Variants in DMD observed in about 807,000 individuals in gnomAD.
DMD encodes the protein mutant dystrophin.
DMD carries 63 observed loss-of-function variants against 330.1 expected under a neutral mutation model. The ratio of observed to expected loss-of-function variants is 0.19; its 90% confidence interval spans 0.16 to 0.24. The LOEUF is 0.24. Among genes scored for constraint, DMD ranks in the 10% least tolerant of loss-of-function variants. DMD has a pLI of 1.00. For missense variants in DMD, 3,344 were observed against 2,684.1 expected (o/e 1.25, Z -5.43); for synonymous variants, 1,223 against 959.8 (o/e 1.27, Z -5.07).
rs753274998 is a variant in DMD, at chrX:32,727,540, C to T, written c.650-28247G>A. On this transcript the variant is annotated intron_variant, in intron 7 of 78. Coordinates refer to ENST00000357033, the MANE Select transcript of DMD (RefSeq NM_004006.3). ...CTCTGCTTGCATTGATATTATTGGT[C>T]CCTTCAGTGAATAATAAAATACTTG... Among the ~76,000 whole-genome samples, 3 of 109,957 alleles carry T rather than the reference C, an allele frequency of 2.7e-5. No homozygotes were observed. The East Asian group carries it at 8.6e-4, about 32-fold the overall frequency.
chrX:32,640,935 T>C (rs1225069307), intron 11 of DMD, among the ~76,000 whole-genome samples: 1 of 111,350 alleles, frequency 9.0e-6, no homozygotes, highest in African/African-American at 3.3e-5. Flanking sequence ...TTCAACCCCA[T>C]CTCAGACCTC....
chrX:31,431,945 G>A (rs1343573467), intron 60 of DMD, among the ~76,000 whole-genome samples: 2 of 109,498 alleles, frequency 1.8e-5, no homozygotes, highest in African/African-American at 6.7e-5. Context: ...CTCCTGAGTA[G>A]TTGGGATTAC....
intron 30 of DMD, among the ~76,000 whole-genome samples, chrX:32,399,113 A>T (rs1384237198): frequency 8.9e-6 from 1 of 112,248 alleles, no homozygotes; most frequent in Non-Finnish European, 1.9e-5. Context: ...TAAATCTAAG[A>T]CCTCAAATTA....
chrX:31,408,916 C>G (rs1049836400), intron 60 of DMD, among the ~76,000 whole-genome samples: 16 of 111,317 alleles, frequency 1.4e-4, no homozygotes, highest in African/African-American at 4.9e-4. Context: ...CGTATATCTC[C>G]TAATGCTATC....
chrX:31,163,291 TG>T lies in DMD; in HGVS notation c.10553+6151del, dbSNP rs1203958713. 4.5e-5 allele frequency among the ~76,000 whole-genome samples: 5 copies of T among 111,535 alleles called. No homozygotes were observed. In the East Asian group the frequency reaches 1.4e-3, roughly 31 times the overall value. On this transcript the variant is annotated intron_variant, in intron 74 of 78. Transcript: ENST00000357033. The stretch of plus-strand genomic sequence containing the variant: ...TGATAGTAACTCTCATGAGATCTGA[TG>T]GTTTTAAAAAGGGCAGTTCTCCTGC...
chrX:32,422,878 C>T (rs1415249401), intron 29 of DMD, among the ~76,000 whole-genome samples: 1 of 110,538 alleles, frequency 9.0e-6, no homozygotes, highest in African/African-American at 3.3e-5. Context: ...GCAAAGAAAA[C>T]GGTTTTAAAA....
chrX:31,932,204 A>C lies in DMD; in HGVS notation c.6638T>G (p.Leu2213Trp). Residue 2213 changes from leucine to tryptophan, a missense_variant, in exon 46 of 79, where the codon TTG becomes TGG. Physicochemically the swap from Leu to Trp is moderately conservative, Grantham distance 61 (BLOSUM62 -2). Coordinates refer to ENST00000357033, the MANE Select transcript of DMD (RefSeq NM_004006.3). ...KKRLEEQKNI[L>W]SEFQRDLNEF... Reference sequence around the variant, plus strand: ...ATTTAAATCTCTTTGAAATTCTGACAAGATATTCTTTTGTTCTTCTAGCCT... The same window carrying C: ...ATTTAAATCTCTTTGAAATTCTGACCAGATATTCTTTTGTTCTTCTAGCCT... The C allele has an allele frequency of 8.4e-7, 1 of 1,190,187 alleles. No individual in the cohort carries two copies. The highest frequency in any genetic ancestry group is 1.1e-6 in the Non-Finnish European group (1 of 876,220).
chrX:31,472,292 C>A (rs2067357041), intron 59 of DMD, among the ~76,000 whole-genome samples: 2 of 111,998 alleles, frequency 1.8e-5, no homozygotes, highest in South Asian at 3.7e-4. Context: ...GCTCATTCAT[C>A]CCCTAATTCT....
intron 55 of DMD, among the ~76,000 whole-genome samples, chrX:31,574,166 C>A (rs2075977267): frequency 1.2e-5 from 1 of 80,252 alleles, no homozygotes; most frequent in Non-Finnish European, 2.3e-5. Context: ...TTTTTTGAGG[C>A]AGAGTCTGGC....
chrX:31,879,677 C>T (rs886456946), intron 47 of DMD, among the ~76,000 whole-genome samples: 3 of 111,064 alleles, frequency 2.7e-5, no homozygotes, highest in African/African-American at 1.0e-4. Flanking sequence ...AAATCAAGAA[C>T]TTTTAACACA....
At chrX:32,908,752 G>A (rs908174257) in intron 2 of DMD, among the ~76,000 whole-genome samples, 3 of 111,318 alleles carry the variant, frequency 2.7e-5, no homozygotes, top group African/African-American at 9.8e-5. Flanking sequence ...TCTATGAAAG[G>A]GCTCAAATAC....
chrX:32,837,792 G>A (rs1334318977), intron 4 of DMD, among the ~76,000 whole-genome samples: 1 of 112,105 alleles, frequency 8.9e-6, no homozygotes, highest in Admixed American at 9.5e-5. Context: ...TGGATCTACT[G>A]AGCTCTGGCC....
At chrX:31,159,556 A>G (rs1043101840) in intron 74 of DMD, among the ~76,000 whole-genome samples, 11 of 111,695 alleles carry the variant, frequency 9.8e-5, no homozygotes, top group Admixed American at 2.8e-4. Flanking sequence ...CCCAATTACA[A>G]TCAAGTACAT....
chrX:32,708,650 A>T (rs2064904858), intron 7 of DMD, among the ~76,000 whole-genome samples: 1 of 111,683 alleles, frequency 9.0e-6, no homozygotes. Context: ...CAGACATGAT[A>T]CCAATTCACC....
chrX:32,770,594 T>C (rs1243871360), intron 7 of DMD, among the ~76,000 whole-genome samples: 1 of 111,601 alleles, frequency 9.0e-6, no homozygotes. Flanking sequence ...ATGAGTTGCA[T>C]AAAATTATAT....
intron 2 of DMD, among the ~76,000 whole-genome samples, chrX:32,883,837 A>G (rs1347720605): frequency 3.8e-5 from 4 of 104,224 alleles, no homozygotes; most frequent in African/African-American, 1.4e-4. Flanking sequence ...AAAAAAAAAA[A>G]AAAAAAAAAA....
chrX:31,237,325 C>G (rs910448433), intron 63 of DMD, among the ~76,000 whole-genome samples: 4 of 112,193 alleles, frequency 3.6e-5, no homozygotes, highest in Admixed American at 9.4e-5. Flanking sequence ...CTATGCGTAT[C>G]TCTGCTTTTT....
In DMD at chrX:31,507,264, T is replaced by C. The variant is rs1417645446; in HGVS notation, c.8390+17A>G. Reference sequence around the variant, plus strand: ...TTTAATTCATTTGTGGCCTTTTTGCTCCACATCTTTTCCTACCTAATGTTG... The same window carrying C: ...TTTAATTCATTTGTGGCCTTTTTGCCCCACATCTTTTCCTACCTAATGTTG... On this transcript the variant is annotated intron_variant, in intron 56 of 78. Coordinates refer to ENST00000357033, the MANE Select transcript of DMD (RefSeq NM_004006.3). 1 of 1,211,276 alleles carries C rather than the reference T, an allele frequency of 8.3e-7. No individual in the cohort carries two copies. Among genetic ancestry groups the C allele is most frequent in the South Asian group, 1.8e-5 (1 of 56,985 alleles).
chrX:32,091,318 T>C (rs1047148708), intron 44 of DMD, among the ~76,000 whole-genome samples: 2 of 112,010 alleles, frequency 1.8e-5, no homozygotes, highest in African/African-American at 3.2e-5. Flanking sequence ...TAGAAACTTA[T>C]ATATTTTTTT....
Sources: allele counts gnomAD v4.1 joint callset (sites outside exome capture counted in the v4.1 genomes callset), GRCh38; gene constraint gnomAD v4.1.1; transcripts MANE v1.5; gene names NCBI Gene and HGNC (gene_info 2026-07-23, HGNC 2026-07-21).